RFT1: variants seen among roughly 807,000 people sequenced by gnomAD.
RFT1 encodes the protein RFT1 glycolipid translocator homolog.
In RFT1, 43 loss-of-function variants were observed where a neutral mutation model predicts 62.2. That is an observed-to-expected ratio of 0.69 (90% CI 0.54 to 0.89). The LOEUF (loss-of-function observed/expected upper bound fraction) is 0.89, where lower values mean the gene tolerates loss of function less well. Among genes scored for constraint, RFT1 ranks in the 40% least tolerant of loss-of-function variants. RFT1 has a pLI of 0.00. For missense variants in RFT1, 605 were observed against 649.9 expected, an observed-to-expected ratio of 0.93 and a Z score of 0.75; for synonymous variants, 262 against 264.6, an observed-to-expected ratio of 0.99 and a Z score of 0.10.
At position 53,103,984 on chromosome 3, in the gene RFT1, G is replaced by A. The variant is rs367909153; in HGVS notation, c.1071C>T (p.Ile357=). 4.8e-5 allele frequency: 78 copies of A among 1,614,110 alleles called. No individual in the cohort carries two copies. The highest frequency in any genetic ancestry group is 6.0e-5 in the Non-Finnish European group (71 of 1,180,042). ...CTGAGCTAAGCATGGTCCCTCCGTA[G>A]ATATCCAGAGCCAGCTGAGAATAGG... The part of the protein sequence containing the change: ...GFAYSQLALD[I]YGGTMLSSGS... The change falls in exon 10 of 13, where the codon ATC becomes ATT. Residue 357 remains isoleucine, a synonymous_variant. Coordinates refer to ENST00000296292, the MANE Select transcript of RFT1 (RefSeq NM_052859.4).
intron 10 of RFT1, among the ~76,000 whole-genome samples, chr3:53,102,449 G>A (rs895021810): frequency 2.0e-5 from 3 of 152,180 alleles, no homozygotes; most frequent in Admixed American, 2.0e-4. Flanking sequence ...AGAAATGTAA[G>A]AAATCTTGGG....
chr3:53,114,970 T>C (rs1042386203), intron 6 of RFT1, among the ~76,000 whole-genome samples: 6 of 152,112 alleles, frequency 3.9e-5, no homozygotes, highest in African/African-American at 1.4e-4. Flanking sequence ...TGTCACCTCC[T>C]CCACCCTACA....
At chr3:53,103,281 A>G (rs193051770) in intron 10 of RFT1, 1 of 985,360 alleles carries the variant, frequency 1.0e-6, no homozygotes, top group Non-Finnish European at 1.2e-6. Flanking sequence ...GAAATTAAAA[A>G]CATCTTTGCT....
chr3:53,122,284 T>C, intron 4 of RFT1, 90 bp downstream of exon 4: 1 of 1,220,684 alleles, frequency 8.2e-7, no homozygotes, highest in Non-Finnish European at 1.2e-6. Flanking sequence ...TCTGGAAAAA[T>C]CATTCATTCT....
At chr3:53,098,928 C>T (rs1348356224) in intron 11 of RFT1, among the ~76,000 whole-genome samples, 1 of 150,280 alleles carries the variant, frequency 6.7e-6, no homozygotes, top group Non-Finnish European at 1.5e-5. Context: ...TTGGGCTTTT[C>T]TCAGGAGAAG....
intron 7 of RFT1, among the ~76,000 whole-genome samples, chr3:53,109,672 G>A (rs535066612): frequency 4.6e-5 from 7 of 152,144 alleles, no homozygotes; most frequent in African/African-American, 1.4e-4. Flanking sequence ...TTGGCTAGGC[G>A]TAATGGTAGG....
the RFT1 span, among the ~76,000 whole-genome samples, chr3:53,082,494 T>C: frequency 6.6e-6 from 1 of 151,528 alleles, no homozygotes; most frequent in Admixed American, 6.6e-5. Flanking sequence ...AATGAAATAA[T>C]AATAACAATA....
At chr3:53,122,974 C>T (rs1702012655) in intron 3 of RFT1, among the ~76,000 whole-genome samples, 1 of 152,220 alleles carries the variant, frequency 6.6e-6, no homozygotes, top group Non-Finnish European at 1.5e-5. Flanking sequence ...TACAGCTGTT[C>T]CTTGCATCCC....
chr3:53,118,048 C>T (rs1232375839), intron 6 of RFT1, among the ~76,000 whole-genome samples: 1 of 152,210 alleles, frequency 6.6e-6, no homozygotes, highest in Admixed American at 6.5e-5. Context: ...CACCACTATA[C>T]CCAGCTAATT....
At chr3:53,106,165 T>A (rs536989548) in intron 8 of RFT1, among the ~76,000 whole-genome samples, 23 of 152,092 alleles carry the variant, frequency 1.5e-4, no homozygotes, top group Admixed American at 2.6e-4. Context: ...CCCAGGAGGT[T>A]GAGGCTGCAG....
chr3:53,068,220 C>G, the RFT1 span, among the ~76,000 whole-genome samples: 10,861 of 152,218 alleles, frequency 0.071, 449 homozygotes, highest in East Asian at 0.12. Context: ...TCTCCCTAAG[C>G]TCAGCCCATC....
chr3:53,129,950 A>T (rs1434099209), intron 1 of RFT1, among the ~76,000 whole-genome samples: 1 of 152,208 alleles, frequency 6.6e-6, no homozygotes, highest in Admixed American at 6.5e-5. Context: ...CTCGGAACTC[A>T]GTGGGACTCA....
chr3:53,119,860 A>G (rs777012471), intron 6 of RFT1, 24 bp downstream of exon 6: 2 of 1,579,278 alleles, frequency 1.3e-6, no homozygotes, highest in Non-Finnish European at 1.7e-6. Context: ...TTAAAATGAT[A>G]AGAGATAAAA....
intron 7 of RFT1, among the ~76,000 whole-genome samples, chr3:53,111,487 G>C (rs1701647964): frequency 6.6e-6 from 1 of 152,060 alleles, no homozygotes; most frequent in Non-Finnish European, 1.5e-5. Flanking sequence ...ATATAACATG[G>C]GGTTTTGGAG....
intron 7 of RFT1, among the ~76,000 whole-genome samples, chr3:53,108,977 T>C (rs1701571922): frequency 1.3e-5 from 2 of 152,162 alleles, no homozygotes; most frequent in Non-Finnish European, 2.9e-5. Flanking sequence ...CCAAAATGAC[T>C]CTTTAATGTT....
rs144816720 is a variant in RFT1, at chr3:53,094,412, C to A, written c.1209-1794G>T. ...TCTCACACACAATACTATACTCCAA[C>A]AGGAGAGATGTGCTTTCATCCGGAG... On this transcript the variant is annotated intron_variant, in intron 11 of 12. Coordinates refer to ENST00000296292, the MANE Select transcript of RFT1 (RefSeq NM_052859.4). Among the ~76,000 whole-genome samples the A allele has an allele frequency of 7.9e-5, 12 of 151,960 alleles. No individual in the cohort carries two copies. In the East Asian group the frequency reaches 2.3e-3, roughly 30 times the overall value.
chr3:53,105,122 A>G (rs1236825274), intron 9 of RFT1, among the ~76,000 whole-genome samples: 1 of 152,226 alleles, frequency 6.6e-6, no homozygotes, highest in Non-Finnish European at 1.5e-5. Context: ...GATCAAGAGT[A>G]AGGTCACATG....
downstream of RFT1, among the ~76,000 whole-genome samples, chr3:53,086,835 G>A (rs1046675566): frequency 3.3e-5 from 5 of 152,130 alleles, no homozygotes; most frequent in African/African-American, 7.2e-5. Context: ...GCTCCCAAAG[G>A]TGCTCAGGAT....
chr3:53,098,431 A>ACACTC (rs370286406), intron 11 of RFT1, among the ~76,000 whole-genome samples: 2 of 151,970 alleles, frequency 1.3e-5, no homozygotes, highest in African/African-American at 4.8e-5. Context: ...CCCATTTGAG[A>ACACTC]CACTCCCTCC....
Sources: allele counts gnomAD v4.1 joint callset (sites outside exome capture counted in the v4.1 genomes callset), GRCh38; gene constraint gnomAD v4.1.1; transcripts MANE v1.5; gene names NCBI Gene and HGNC (gene_info 2026-07-23, HGNC 2026-07-21).